Variants in CHD7 observed in about 807,000 individuals in gnomAD.
The protein encoded by CHD7 is ATP-dependent chromatin remodeler CHD7.
In CHD7, 24 loss-of-function variants were observed where a neutral mutation model predicts 307.3. The ratio of observed to expected loss-of-function variants is 0.08; its 90% CI spans 0.06 to 0.11. The LOEUF (loss-of-function observed/expected upper bound fraction) is 0.11. CHD7 is among the 10% of genes least tolerant of loss of function. The pLI, the probability that CHD7 is intolerant of heterozygous loss-of-function variation, is 1.00. For missense variants in CHD7, 3,106 were observed against 3,727.1 expected (o/e 0.83, Z 4.34); for synonymous variants, 1,363 against 1,349.9 (o/e 1.01, Z -0.21).
intron 11 of CHD7, 26 bp from the exon 12 acceptor site, chr8:60,822,477 T>G (rs1210860592): frequency 6.2e-7 from 1 of 1,609,444 alleles, no homozygotes; most frequent in African/African-American, 1.3e-5. Flanking sequence ...CTCATTAAAC[T>G]TTTGTACTTC....
chr8:60,786,004 C>T (rs920981990), intron 3 of CHD7, among the ~76,000 whole-genome samples: 5 of 152,138 alleles, frequency 3.3e-5, no homozygotes, highest in Admixed American at 2.6e-4. Context: ...TCTTTGAGCC[C>T]TTTCAGTGTT....
chr8:60,695,752 G>A (rs1305754098), intron 1 of CHD7, among the ~76,000 whole-genome samples: 3 of 152,108 alleles, frequency 2.0e-5, no homozygotes, highest in African/African-American at 7.2e-5. Context: ...CCAAATTATG[G>A]AATAATTTAA....
intron 11 of CHD7, 25 bp downstream of exon 11, chr8:60,822,170 C>G (rs1563630892): frequency 6.3e-7 from 1 of 1,587,110 alleles, no homozygotes; most frequent in Non-Finnish European, 8.6e-7. Flanking sequence ...TTTTTCTTCA[C>G]TTTTAAATAT....
chr8:60,803,483 G>A (rs1429346374), intron 6 of CHD7, among the ~76,000 whole-genome samples: 5 of 152,032 alleles, frequency 3.3e-5, no homozygotes, highest in Middle Eastern at 3.2e-3. Flanking sequence ...ACCATTTACC[G>A]ATGACTGGGT....
intron 2 of CHD7, among the ~76,000 whole-genome samples, chr8:60,745,377 GT>G (rs1809272549): frequency 6.6e-6 from 1 of 152,260 alleles, no homozygotes; most frequent in South Asian, 2.1e-4. Flanking sequence ...GCTTTCCTGG[GT>G]TTTAAGAGTA....
chr8:60,721,210 G>T (rs1773376445), intron 1 of CHD7, among the ~76,000 whole-genome samples: 1 of 152,166 alleles, frequency 6.6e-6, no homozygotes, highest in Admixed American at 6.5e-5. Context: ...CTTTAGGGAG[G>T]TAATTAAGAT....
At chr8:60,702,194 A>G (rs977429737) in intron 1 of CHD7, among the ~76,000 whole-genome samples, 1 of 152,216 alleles carries the variant, frequency 6.6e-6, no homozygotes, top group African/African-American at 2.4e-5. Context: ...GGTGGGTGAG[A>G]GGGTGTATGA....
intron 1 of CHD7, among the ~76,000 whole-genome samples, chr8:60,688,657 C>T (rs1806037840): frequency 6.6e-6 from 1 of 152,190 alleles, no homozygotes; most frequent in South Asian, 2.1e-4. Flanking sequence ...GTGCTTATCT[C>T]TTGTCCTGAA....
At chr8:60,755,362 A>C (rs1905305) in intron 2 of CHD7, among the ~76,000 whole-genome samples, 1 of 151,690 alleles carries the variant, frequency 6.6e-6, no homozygotes, top group Non-Finnish European at 1.5e-5. Context: ...CATTTTTTTT[A>C]AGAATTTACT....
intron 1 of CHD7, among the ~76,000 whole-genome samples, chr8:60,692,683 T>G (rs955258372): frequency 1.3e-5 from 2 of 152,190 alleles, no homozygotes; most frequent in Non-Finnish European, 2.9e-5. Context: ...CCCTTTTGGA[T>G]AGAGGCCATA....
intron 7 of CHD7, among the ~76,000 whole-genome samples, chr8:60,811,243 C>T (rs936923660): frequency 9.9e-5 from 15 of 152,086 alleles, no homozygotes; most frequent in African/African-American, 3.6e-4. Context: ...TATTGTTTTT[C>T]AAGTTTGTGA....
At chr8:60,796,978 T>C (rs1304151029) in intron 4 of CHD7, among the ~76,000 whole-genome samples, 1 of 152,248 alleles carries the variant, frequency 6.6e-6, no homozygotes, top group Non-Finnish European at 1.5e-5. Context: ...TTAAATGTTC[T>C]ATTTGTTATA....
chr8:60,683,283 C>T (rs1311813485), intron 1 of CHD7, among the ~76,000 whole-genome samples: 1 of 152,056 alleles, frequency 6.6e-6, no homozygotes, highest in Non-Finnish European at 1.5e-5. Context: ...AAATTGAGAT[C>T]AATAATCGCT....
At chr8:60,816,243 G>T in intron 7 of CHD7, 144 bp from the exon 8 acceptor site, 1 of 567,992 alleles carries the variant, frequency 1.8e-6, no homozygotes, top group Non-Finnish European at 3.1e-6. Context: ...AACAGTGGTG[G>T]GTATATTAAA....
At chr8:60,809,131 G>C (rs1448790439) in intron 7 of CHD7, among the ~76,000 whole-genome samples, 3 of 152,114 alleles carry the variant, frequency 2.0e-5, no homozygotes, top group African/African-American at 7.2e-5. Flanking sequence ...AGGTGCCATG[G>C]GTTTTCTGTC....
In CHD7 at chr8:60,856,120, G is replaced by A. The variant is rs777753993; in HGVS notation, c.7082G>A (p.Arg2361Lys). 78 of 1,610,512 alleles carry A rather than the reference G, an allele frequency of 4.8e-5. No homozygotes were observed. The highest frequency in any genetic ancestry group is 6.4e-5 in the Non-Finnish European group (75 of 1,178,336). Residue 2361 changes from arginine to lysine, a missense_variant, in exon 33 of 38, where the codon AGG (arginine) becomes AAG (lysine). Physicochemically the swap from Arg to Lys is conservative, Grantham distance 26. This residue lies in a region of CHD7 where 1,030 missense variants were observed against 1,165.4 expected (regional missense o/e 0.88). Coordinates refer to ENST00000423902, the MANE Select transcript of CHD7 (RefSeq NM_017780.4). ...ACAGTGGACAGCCCCTTGCAGAAGA[G>A]GAGCTTTGCTGAGCTCTCCATGGTC... ...PTTVDSPLQK[R>K]SFAELSMVGQ...
At chr8:60,782,200 T>C (rs1051904679) in intron 3 of CHD7, among the ~76,000 whole-genome samples, 7 of 152,226 alleles carry the variant, frequency 4.6e-5, no homozygotes, top group Non-Finnish European at 8.8e-5. Flanking sequence ...TTAGAAAATA[T>C]AGTTTCCAGA....
At chr8:60,779,708 T>G (rs896514383) in intron 2 of CHD7, among the ~76,000 whole-genome samples, 2 of 152,216 alleles carry the variant, frequency 1.3e-5, no homozygotes, top group African/African-American at 4.8e-5. Flanking sequence ...GTCACGAGGC[T>G]CTGGAGATGT....
chr8:60,858,962 C>A (rs1805842377), intron 34 of CHD7, among the ~76,000 whole-genome samples: 2 of 152,216 alleles, frequency 1.3e-5, no homozygotes, highest in Admixed American at 6.5e-5. Flanking sequence ...TAATGCAACA[C>A]ACGTGCTTTT....
Sources: gnomAD v4.1 joint callset for allele counts (sites outside exome capture counted in the v4.1 genomes callset) on GRCh38, gnomAD v4.1.1 for gene constraint, gnomAD v4.1.1 regional missense constraint, MANE v1.5 for transcripts, NCBI Gene and HGNC (gene_info 2026-07-23, HGNC 2026-07-21) for gene names.